The following MICAL3 variants were observed in gnomAD, a reference collection of about 807,000 sequenced individuals.
The protein encoded by MICAL3 is [F-actin]-monooxygenase MICAL3.
MICAL3 carries 62 observed loss-of-function variants against 207.4 expected under a neutral mutation model. That is an observed-to-expected ratio of 0.30 (90% CI 0.24 to 0.37). The LOEUF (loss-of-function observed/expected upper bound fraction) is 0.37, where lower values mean the gene tolerates loss of function less well. Among genes scored for constraint, MICAL3 ranks in the 10% least tolerant of loss-of-function variants. The probability of loss-of-function intolerance (pLI) is 1.00; values close to 1 mark genes in which losing one functional copy is unlikely to be tolerated. For synonymous variants in MICAL3, 1,077 were observed against 1,069.3 expected (o/e 1.01, Z -0.14); for missense variants, 2,368 against 2,635.6 (o/e 0.90, Z 2.22).
intron 1 of MICAL3, among the ~76,000 whole-genome samples, chr22:17,946,050 G>A (rs1934050923): frequency 6.6e-6 from 1 of 152,184 alleles, no homozygotes; most frequent in Admixed American, 6.5e-5. Flanking sequence ...AGTAACAACA[G>A]GGTATTAAGT....
chr22:17,842,642 C>T (rs1002513061), intron 19 of MICAL3, among the ~76,000 whole-genome samples: 5 of 152,244 alleles, frequency 3.3e-5, no homozygotes, highest in Admixed American at 1.3e-4. Context: ...CAGGCCCGAC[C>T]GCTCACAGAG....
rs537911177 is a variant in MICAL3, at chr22:17,963,514, G to A, written c.-74-56628C>T. On this transcript the variant is annotated intron_variant, in intron 1 of 31. Coordinates refer to ENST00000441493, the MANE Select transcript of MICAL3 (RefSeq NM_015241.3). ...AGCTGTGAACACGTGATGGGCCTCC[G>A]TCGCCGGTTCCTTACCCTGCCACGG... is the stretch of plus-strand genomic sequence containing the variant. Among the ~76,000 whole-genome samples the A allele has an allele frequency of 1.8e-4, 28 of 152,120 alleles. 1 individual carries two copies. Among genetic ancestry groups the A allele is most frequent in the Admixed American group, 1.6e-3 (25 of 15,266 alleles).
At position 17,915,133 on chromosome 22, in the gene MICAL3, C is replaced by T. The variant is rs187882725; in HGVS notation, c.-74-8247G>A. Among the ~76,000 whole-genome samples the T allele has an allele frequency of 2.4e-3, 360 of 152,324 alleles. 1 individual carries two copies. The highest frequency in any genetic ancestry group is 4.2e-3 in the Non-Finnish European group (284 of 68,042). On this transcript the variant is annotated intron_variant, in intron 1 of 31. Coordinates refer to ENST00000441493, the MANE Select transcript of MICAL3 (RefSeq NM_015241.3). ...AAAAAAAGCTGTTCTCCTCAAGGGC[C>T]GGAATCCAATCTATAACGTCGGTGC...
rs180836879 is a variant in MICAL3 at position 17,985,211 on chromosome 22, A to G, written c.-75+39070T>C. On this transcript the variant is annotated intron_variant, in intron 1 of 31. Coordinates refer to ENST00000441493, the MANE Select transcript of MICAL3 (RefSeq NM_015241.3). ...CAGGGTGTGCCTGGAGCACGGGAGGAAGGTCCGGCCAGGGAGGGGACAGCC... is the reference window on the plus strand; with the variant it reads ...CAGGGTGTGCCTGGAGCACGGGAGGGAGGTCCGGCCAGGGAGGGGACAGCC... Among the ~76,000 whole-genome samples the G allele has an allele frequency of 5.8e-4, 89 of 152,144 alleles. 1 individual carries two copies. The highest frequency in any genetic ancestry group is 2.1e-3 in the African/African-American group (86 of 41,502).
intron 7 of MICAL3, among the ~76,000 whole-genome samples, 167 bp from the exon 8 acceptor site, chr22:17,897,148 C>G (rs957776089): frequency 1.3e-5 from 2 of 152,098 alleles, no homozygotes; most frequent in African/African-American, 4.8e-5. Context: ...GGCAGCCAGG[C>G]ACAATGGCCC....
At chr22:17,861,909 G>T (rs774268581) in intron 19 of MICAL3, 28 of 985,318 alleles carry the variant, frequency 2.8e-5, no homozygotes, top group Non-Finnish European at 3.1e-5. Context: ...ACTGCAGGTT[G>T]TAATTGGGTG....
intron 11 of MICAL3, among the ~76,000 whole-genome samples, chr22:17,892,294 T>C (rs769237023): frequency 6.6e-6 from 1 of 152,222 alleles, no homozygotes; most frequent in Non-Finnish European, 1.5e-5. Flanking sequence ...TTACAGTTCA[T>C]TGAAACGTCT....
chr22:17,889,113 C>G lies in MICAL3; in HGVS notation c.1812G>C (p.Val604=), dbSNP rs756945119. The change falls in exon 13 of 32, where the codon GTG becomes GTC. Residue 604 remains valine (V), a synonymous_variant. Transcript: ENST00000441493. ...CCATGGACAGCTTATCAGGCTCCCC[C>G]ACGGAGGCCATTTCTTTGCCTGTCA... The part of the protein sequence containing the change: ...PIMTGKEMAS[V]GEPDKLSMVM... The G allele has an allele frequency of 1.2e-6, 2 of 1,613,726 alleles. No homozygotes were observed. The highest frequency in any genetic ancestry group is 8.5e-7 in the Non-Finnish European group (1 of 1,179,764).
At chr22:17,824,386 T>C (rs1471968753) in intron 22 of MICAL3, among the ~76,000 whole-genome samples, 2 of 152,204 alleles carry the variant, frequency 1.3e-5, no homozygotes, top group African/African-American at 2.4e-5. Context: ...TAAAAAGCCA[T>C]GTGGAAATGG....
chr22:17,892,735 G>A (rs1454953855), intron 11 of MICAL3, among the ~76,000 whole-genome samples: 1 of 152,208 alleles, frequency 6.6e-6, no homozygotes, highest in Non-Finnish European at 1.5e-5. Flanking sequence ...GGAGAAAAAT[G>A]CAAATGTTTC....
At chr22:17,865,839 T>C (rs1364475367) in intron 18 of MICAL3, 85 bp downstream of exon 18, 1 of 1,084,858 alleles carries the variant, frequency 9.2e-7, no homozygotes, top group Non-Finnish European at 1.4e-6. Context: ...CGCAGGGGCA[T>C]TTGCAGGTTG....
chr22:17,983,367 T>C (rs1936014071), intron 1 of MICAL3: 1 of 152,348 alleles, frequency 6.6e-6, no homozygotes, highest in Admixed American at 6.5e-5. Context: ...CACCTGCTGC[T>C]GTCACTAGTA....
intron 1 of MICAL3, among the ~76,000 whole-genome samples, chr22:17,990,308 T>G (rs1374492615): frequency 6.6e-6 from 1 of 152,164 alleles, no homozygotes; most frequent in Non-Finnish European, 1.5e-5. Context: ...AAGAAACCTG[T>G]GCTGACTCAC....
At chr22:17,886,087 G>C in intron 15 of MICAL3, 36 bp from the exon 16 acceptor site, 1 of 1,608,720 alleles carries the variant, frequency 6.2e-7, no homozygotes, top group Non-Finnish European at 8.5e-7. Flanking sequence ...CCGGCGCTGT[G>C]ACAGGAGGCT....
intron 20 of MICAL3, among the ~76,000 whole-genome samples, chr22:17,832,823 C>G (rs752477906): frequency 1.3e-5 from 2 of 152,146 alleles, no homozygotes; most frequent in Admixed American, 6.5e-5. Flanking sequence ...GCGACAGATT[C>G]CATTTCCTGG....
chr22:17,950,425 C>T (rs531200211), intron 1 of MICAL3, among the ~76,000 whole-genome samples: 81 of 149,954 alleles, frequency 5.4e-4, no homozygotes, highest in African/African-American at 1.6e-3. Context: ...CTGCAACCTC[C>T]GCCTCCTGGG....
In MICAL3 at chr22:17,993,467, A is replaced by G. The variant is rs564848540; in HGVS notation, c.-75+30814T>C. 2.6e-5 allele frequency among the ~76,000 whole-genome samples: 4 copies of G among 152,202 alleles called. No individual in the cohort carries two copies. In the East Asian group the frequency reaches 7.7e-4, roughly 29 times the overall value. On this transcript the variant is annotated intron_variant, in intron 1 of 31. Coordinates refer to ENST00000441493, the MANE Select transcript of MICAL3 (RefSeq NM_015241.3). ...CTCATTCTCTTAAAAGAATCATCAC[A>G]AAGGAGTTTAGCTGGGGCAATAATG...
chr22:17,952,730 G>A (rs1420774401), intron 1 of MICAL3, among the ~76,000 whole-genome samples: 2 of 152,184 alleles, frequency 1.3e-5, no homozygotes, highest in African/African-American at 2.4e-5. Context: ...TGCAACCCAG[G>A]TGCCAGTTCT....
Position 17,904,745 on chromosome 22 carries a change from G to A in MICAL3, c.359C>T (p.Ala120Val), listed in dbSNP as rs764340842. The change falls in exon 3 of 32, where the codon GCC (alanine) becomes GTC (valine). Residue 120 changes from alanine to valine, a missense_variant. Ala to Val is a moderately conservative substitution (Grantham distance 64). Coordinates refer to ENST00000441493, the MANE Select transcript of MICAL3 (RefSeq NM_015241.3). ...ATGCAAGACGTTGTTGCGGGAGAAG[G>A]CATCTCGTTTCTCAATAACAACCAC... Reference protein sequence around the residue: ...AKVVVIEKRDAFSRNNVLHLW... With the variant: ...AKVVVIEKRDVFSRNNVLHLW... 1.2e-6 allele frequency: 2 copies of A among 1,613,784 alleles called. No individual in the cohort carries two copies. The highest frequency in any genetic ancestry group is 8.5e-7 in the Non-Finnish European group (1 of 1,179,682).
Sources: gnomAD v4.1 joint callset for allele counts (sites outside exome capture counted in the v4.1 genomes callset) on GRCh38, gnomAD v4.1.1 for gene constraint, MANE v1.5 for transcripts, NCBI Gene and HGNC (gene_info 2026-07-23, HGNC 2026-07-21) for gene names.